The following CD46 variants were observed in gnomAD, a reference collection of about 807,000 sequenced individuals.
CD46 encodes CD46 molecule.
Under a neutral mutation model 53.3 loss-of-function variants are expected in CD46, and 30 were observed. That is an observed-to-expected ratio of 0.56 (90% confidence interval 0.42 to 0.76). The LOEUF (loss-of-function observed/expected upper bound fraction) is 0.76, where lower values mean the gene tolerates loss of function less well. CD46 is among the 30% of genes least tolerant of loss of function. The pLI is 0.00. For synonymous variants in CD46, 142 were observed against 152.0 expected, an observed-to-expected ratio of 0.93 and a Z score of 0.48; for missense variants, 409 against 463.0, an observed-to-expected ratio of 0.88 and a Z score of 1.07.
chr1:207,764,063 G>A (rs1407299997), intron 5 of CD46, among the ~76,000 whole-genome samples: 2 of 151,852 alleles, frequency 1.3e-5, no homozygotes, highest in Non-Finnish European at 2.9e-5. Flanking sequence ...TGTCATTGAA[G>A]GCTAAGGTTA....
Position 207,761,263 on chromosome 1 carries a change from C to T in CD46, c.490C>T (p.Pro164Ser), listed in dbSNP as rs761226578. ...PPICEKVLCT[P>S]PPKIKNGKHT... ...TCATTTTTAAGAGGTTTTGTGTACA[C>T]CACCTCCAAAAATAAAAAATGGAAA... The change falls in exon 5 of 13, where the codon CCA becomes TCA. Residue 164 changes from proline to serine, a missense_variant. Pro to Ser is a moderately conservative substitution (Grantham distance 74). Transcript: ENST00000367042. The T allele has an allele frequency of 6.2e-7, 1 of 1,606,912 alleles. No individual in the cohort carries two copies.
In CD46 at chr1:207,752,236, G is replaced by A; in HGVS notation, c.24G>A (p.Glu8=). MEPPGRR[E]CPFPSWRFPG... ...GCATGGAGCCTCCCGGCCGCCGCGA[G>A]TGTCCCTTTCCTTCCTGGCGCTTTC... The change falls in exon 1 of 13, where the codon GAG becomes GAA. Residue 8 remains glutamate (E), a synonymous_variant. Coordinates refer to ENST00000367042, the MANE Select transcript of CD46 (RefSeq NM_172351.3). This position sits in a 1 kb window ranked among gnomAD's most constrained non-coding sequence, Gnocchi z 4.1. 1 of 1,614,100 alleles carries A rather than the reference G, an allele frequency of 6.2e-7. No homozygotes were observed. The highest frequency in any genetic ancestry group is 8.5e-7 in the Non-Finnish European group (1 of 1,180,020).
Position 207,770,724 on chromosome 1 carries a change from A to T in CD46, c.943+362A>T, listed in dbSNP as rs1465952823. ...AGCTTCATCCATGTCCCTGCAAAGG[A>T]CATGAACTCATCCTTTTTTATGGCT... On this transcript the variant is annotated intron_variant, in intron 8 of 12. Transcript: ENST00000367042. Among the ~76,000 whole-genome samples the T allele has an allele frequency of 2.0e-5, 3 of 152,186 alleles. No homozygotes were observed. In the East Asian group the frequency reaches 5.8e-4, roughly 29 times the overall value.
At position 207,795,030 on chromosome 1, in the gene CD46, T is replaced by C. The variant is rs1660130454; in HGVS notation, c.*1553T>C. The C allele has an allele frequency of 6.6e-6, 1 of 152,228 alleles. No individual in the cohort carries two copies. The highest frequency in any genetic ancestry group is 2.4e-5 in the African/African-American group (1 of 41,456). 9.4% of individuals were successfully genotyped at this position (152,228 alleles called of 1,614,324 possible). A position where few individuals can be genotyped will look rare whatever the true frequency, so the allele number is the denominator to read the frequency against. On this transcript the variant is annotated 3_prime_UTR_variant, in exon 13 of 13. Transcript: ENST00000367042. ...TCTCTGGCAAGATGCTTTAGGAAGATAAAAGTTTGAGGAGAACAAACAGGA... is the reference window on the plus strand; with the variant it reads ...TCTCTGGCAAGATGCTTTAGGAAGACAAAAGTTTGAGGAGAACAAACAGGA...
intron 5 of CD46, among the ~76,000 whole-genome samples, chr1:207,763,840 A>AT: frequency 2.1e-5 from 2 of 93,306 alleles, no homozygotes; most frequent in South Asian, 4.2e-4. Flanking sequence ...TTAACGTATG[A>AT]TTTTTTGGTT....
intron 1 of CD46, among the ~76,000 whole-genome samples, chr1:207,756,438 T>A (rs1003828716): frequency 6.6e-6 from 1 of 152,212 alleles, no homozygotes; most frequent in African/African-American, 2.4e-5. Flanking sequence ...TGTTTTGATT[T>A]TCCCAGGCAC....
intron 11 of CD46, among the ~76,000 whole-genome samples, chr1:207,786,280 G>T (rs17007110): frequency 0.023 from 3,520 of 152,234 alleles, 124 homozygotes; most frequent in African/African-American, 0.08. Flanking sequence ...CAGTAAAACT[G>T]ATAGGGTTAA....
At chr1:207,770,032 C>A in intron 7 of CD46, 1 of 370,558 alleles carries the variant, frequency 2.7e-6, no homozygotes, top group Non-Finnish European at 5.1e-6. Flanking sequence ...TCCCACAGTG[C>A]TGGGATTACA....
At position 207,767,097 on chromosome 1, in the gene CD46, T is replaced by C. The variant is rs759430396; in HGVS notation, c.758T>C (p.Met253Thr). The C allele has an allele frequency of 5.0e-6, 8 of 1,613,820 alleles. No homozygotes were observed. The highest frequency in any genetic ancestry group is 6.8e-6 in the Non-Finnish European group (8 of 1,179,710). ...GKKFYYKATV[M>T]FECDKGFYLD... ...AAATTTTACTACAAAGCAACAGTTA[T>C]GTTTGAATGCGATAAGGGTTTTTAC... is the stretch of plus-strand genomic sequence containing the variant. The change falls in exon 6 of 13, where the codon ATG (methionine) becomes ACG (threonine). Residue 253 changes from methionine to threonine, a missense_variant. Physicochemically the swap from Met to Thr is moderately conservative, Grantham distance 81 (BLOSUM62 -1). Coordinates refer to ENST00000367042, the MANE Select transcript of CD46 (RefSeq NM_172351.3).
upstream of CD46, chr1:207,752,053 C>T (rs1048715855): frequency 3.9e-6 from 3 of 770,736 alleles, no homozygotes; most frequent in East Asian, 2.4e-5. The surrounding 1 kb of genome is among the most constrained non-coding windows in gnomAD (Gnocchi z 4.1). Flanking sequence ...CCGCCCCGGG[C>T]GCGGCTCGGG....
At chr1:207,764,651 C>T (rs1656644085) in intron 5 of CD46, among the ~76,000 whole-genome samples, 1 of 152,166 alleles carries the variant, frequency 6.6e-6, no homozygotes, top group Non-Finnish European at 1.5e-5. Flanking sequence ...AAATATCCTA[C>T]AGACATTTAA....
intron 8 of CD46, among the ~76,000 whole-genome samples, chr1:207,774,491 C>G (rs1571645267): frequency 1.3e-5 from 2 of 152,126 alleles, no homozygotes; most frequent in African/African-American, 4.8e-5. Flanking sequence ...TGGTCTTTAC[C>G]ATTTGGTATG....
At chr1:207,790,014 A>T (rs898412156) in intron 11 of CD46, among the ~76,000 whole-genome samples, 11 of 152,182 alleles carry the variant, frequency 7.2e-5, no homozygotes, top group African/African-American at 2.7e-4. Flanking sequence ...ATTAAACAGG[A>T]ATTTCCAGTC....
At chr1:207,753,739 C>A (rs1443427729) in intron 1 of CD46, among the ~76,000 whole-genome samples, 1 of 151,934 alleles carries the variant, frequency 6.6e-6, no homozygotes, top group African/African-American at 2.4e-5. Context: ...CGAACAGAAT[C>A]AAAAGACAGC....
Position 207,752,156 on chromosome 1 carries a change from TG to T in CD46, c.-55del. Reference sequence around the variant, plus strand: ...CCCAGAAGGGACTTCCCTGCTCGGCTGGCTCTCGGTTTCTCTGCTTTCCTCC... The same window carrying T: ...CCCAGAAGGGACTTCCCTGCTCGGCTGCTCTCGGTTTCTCTGCTTTCCTCC... On this transcript the variant is annotated 5_prime_UTR_variant, in exon 1 of 13. It removes the in-frame stop codon of an upstream open reading frame in the 5' UTR. Coordinates refer to ENST00000367042, the MANE Select transcript of CD46 (RefSeq NM_172351.3). This position sits in a 1 kb window ranked among gnomAD's most constrained non-coding sequence, Gnocchi z 4.1. 2.0e-6 allele frequency: 3 copies of T among 1,520,040 alleles called. No homozygotes were observed. The East Asian group carries it at 6.7e-5, about 34-fold the overall frequency. The allele number at this position is 1,520,040 out of a possible 1,614,324, so 94.2% of individuals were successfully genotyped here. A position where few individuals can be genotyped will look rare whatever the true frequency, so the allele number is the denominator to read the frequency against.
At chr1:207,788,599 G>T (rs1221652113) in intron 11 of CD46, among the ~76,000 whole-genome samples, 1 of 152,158 alleles carries the variant, frequency 6.6e-6, no homozygotes, top group Non-Finnish European at 1.5e-5. Context: ...TGTCCCCCCA[G>T]ATTGGCTGTT....
chr1:207,772,438 G>A (rs749145564), intron 8 of CD46, among the ~76,000 whole-genome samples: 23 of 152,132 alleles, frequency 1.5e-4, no homozygotes, highest in African/African-American at 3.4e-4. Flanking sequence ...CCAACACTAC[G>A]TTGAATAGGA....
At chr1:207,754,392 C>G (rs1041969716) in intron 1 of CD46, among the ~76,000 whole-genome samples, 2 of 152,144 alleles carry the variant, frequency 1.3e-5, no homozygotes, top group African/African-American at 4.8e-5. Context: ...GCGACCCCCC[C>G]ATCTCAGGTT....
At chr1:207,783,185 T>C in intron 8 of CD46, 107 bp from the exon 9 acceptor site, 1 of 598,912 alleles carries the variant, frequency 1.7e-6, no homozygotes, top group Non-Finnish European at 3.0e-6. Flanking sequence ...AGGGATTTTC[T>C]ACAAAGGTGA....
Sources: allele counts gnomAD v4.1 joint callset (sites outside exome capture counted in the v4.1 genomes callset), GRCh38; gene constraint gnomAD v4.1.1; non-coding constraint Gnocchi (gnomAD v3.1); transcripts MANE v1.5; gene names NCBI Gene and HGNC (gene_info 2026-07-23, HGNC 2026-07-21).